Variants in SOX6 observed in about 807,000 individuals in gnomAD.
SOX6 encodes the protein transcription factor SOX-6.
In SOX6, 11 loss-of-function variants were observed where a neutral mutation model predicts 97.8. That is an observed-to-expected ratio of 0.11 (90% confidence interval 0.07 to 0.19). The LOEUF (loss-of-function observed/expected upper bound fraction) is 0.19. Ranked by LOEUF, SOX6 falls within the 10% of genes least tolerant of loss-of-function variation. SOX6 has a pLI of 1.00. For missense variants in SOX6, 810 were observed against 1,039.5 expected, an observed-to-expected ratio of 0.78 and a Z score of 3.04; for synonymous variants, 360 against 371.4, an observed-to-expected ratio of 0.97 and a Z score of 0.35.
chr11:16,533,388 T>C (rs539816957), intron 4 of SOX6, among the ~76,000 whole-genome samples: 35 of 151,252 alleles, frequency 2.3e-4, no homozygotes, highest in Non-Finnish European at 4.1e-4. Context: ...CAATAAAGAG[T>C]ATTAAGATCA....
At chr11:16,666,176 C>T (rs1564863688) in intron 3 of SOX6, among the ~76,000 whole-genome samples, 1 of 151,746 alleles carries the variant, frequency 6.6e-6, no homozygotes. Flanking sequence ...GCATCAACAC[C>T]GTCAGGAAAA....
chr11:16,111,760 A>T (rs1181784827), intron 7 of SOX6, 43 bp downstream of exon 7: 13 of 1,611,336 alleles, frequency 8.1e-6, no homozygotes, highest in Non-Finnish European at 1.1e-5. Context: ...AAACATGCAG[A>T]TCTGAGCATT....
chr11:16,385,471 A>G (rs1477145554), intron 1 of SOX6, among the ~76,000 whole-genome samples: 1 of 152,138 alleles, frequency 6.6e-6, no homozygotes, highest in East Asian at 1.9e-4. Context: ...GGAAATAAAC[A>G]AAAATGCTCT....
In SOX6 at chr11:16,658,221, T is replaced by C. The variant is rs1019720855; in HGVS notation, n.430-45961A>G. On this transcript the variant is annotated intron_variant and non_coding_transcript_variant, in intron 3 of 5. Coordinates refer to the SOX6 transcript ENST00000524520. ...GGGTATAAAGATCTAACTGTGGTTCTACCTGGTATTTCCGTGATTACCAGT... is the reference window on the plus strand; with the variant it reads ...GGGTATAAAGATCTAACTGTGGTTCCACCTGGTATTTCCGTGATTACCAGT... 2.2e-4 allele frequency among the ~76,000 whole-genome samples: 34 copies of C among 152,358 alleles called. 1 individual carries two copies. The highest frequency in any genetic ancestry group is 2.2e-3 in the Admixed American group (33 of 15,302).
At chr11:16,246,194 T>C (rs796938339) in intron 3 of SOX6, among the ~76,000 whole-genome samples, 9 of 151,656 alleles carry the variant, frequency 5.9e-5, no homozygotes, top group African/African-American at 1.9e-4. Flanking sequence ...CTTTATTTTG[T>C]ATTATTGCTG....
At position 16,499,361 on chromosome 11, in the gene SOX6, G is replaced by T. The variant is rs892187950; in HGVS notation, n.610-22973C>A. On this transcript the variant is annotated intron_variant and non_coding_transcript_variant, in intron 4 of 5. Transcript: ENST00000524520. ...AATGCCCACAAGAGAAAGCAGGAAA[G>T]ATCTAAAATTAACACCCTAACATCA... is the stretch of plus-strand genomic sequence containing the variant. Among the ~76,000 whole-genome samples, 4 of 152,092 alleles carry T rather than the reference G, an allele frequency of 2.6e-5. No individual in the cohort carries two copies. The South Asian group carries it at 8.3e-4, about 32-fold the overall frequency.
chr11:16,546,510 G>A (rs12287824), intron 4 of SOX6, among the ~76,000 whole-genome samples: 27 of 152,150 alleles, frequency 1.8e-4, no homozygotes, highest in African/African-American at 5.5e-4. Context: ...CATGCACTGG[G>A]GAAAGGACAC....
chr11:16,391,660 T>G (rs1403666912), intron 1 of SOX6, among the ~76,000 whole-genome samples: 1 of 151,662 alleles, frequency 6.6e-6, no homozygotes, highest in South Asian at 2.1e-4. Context: ...AATTAAACAT[T>G]CAGTAAGCAA....
At chr11:16,583,638 C>CATATATATATATATATATAT (rs1329710047) in intron 4 of SOX6, among the ~76,000 whole-genome samples, 31 of 104,550 alleles carry the variant, frequency 3.0e-4, no homozygotes, top group Non-Finnish European at 5.3e-4. Context: ...TATATATATA[C>CATATATATATATATATATAT]ACATACACAC....
chr11:16,442,457 A>G (rs1859521968), intron 1 of SOX6, among the ~76,000 whole-genome samples: 1 of 152,226 alleles, frequency 6.6e-6, no homozygotes, highest in African/African-American at 2.4e-5. Flanking sequence ...AGTTATGCCC[A>G]GCTAACATTT....
chr11:16,225,478 CA>C (rs11307642), intron 4 of SOX6, among the ~76,000 whole-genome samples: 46,510 of 127,700 alleles, frequency 0.36, 6,569 homozygotes, highest in South Asian at 0.52. Context: ...AATTGCTATT[CA>C]AAAAAAAAAA....
At chr11:16,566,599 C>G (rs914537015) in intron 4 of SOX6, among the ~76,000 whole-genome samples, 1 of 152,240 alleles carries the variant, frequency 6.6e-6, no homozygotes, top group Non-Finnish European at 1.5e-5. Context: ...AGATCCCCAG[C>G]TCTTTACCGT....
chr11:16,642,563 A>T (rs1463954615), intron 3 of SOX6, among the ~76,000 whole-genome samples: 1 of 152,176 alleles, frequency 6.6e-6, no homozygotes, highest in Non-Finnish European at 1.5e-5. Flanking sequence ...AATCAGACGT[A>T]GATTTGGTCT....
intron 4 of SOX6, among the ~76,000 whole-genome samples, chr11:16,524,337 T>C (rs1345444069): frequency 6.6e-6 from 1 of 151,472 alleles, no homozygotes; most frequent in Admixed American, 6.6e-5. Context: ...CGCAAATCAA[T>C]AAATGTAATC....
chr11:16,256,612 G>C (rs1853696503), intron 3 of SOX6, among the ~76,000 whole-genome samples: 1 of 151,910 alleles, frequency 6.6e-6, no homozygotes, highest in Non-Finnish European at 1.5e-5. Flanking sequence ...GTAATGGTGA[G>C]AAACTCAAAG....
chr11:16,480,653 C>A (rs1860327490), upstream of SOX6, among the ~76,000 whole-genome samples: 1 of 151,560 alleles, frequency 6.6e-6, no homozygotes, highest in African/African-American at 2.4e-5. Flanking sequence ...TAACCCCCCC[C>A]CCACCTTCTT....
At chr11:16,583,606 T>TTTATATAC (rs1554976083) in intron 4 of SOX6, among the ~76,000 whole-genome samples, 1 of 80,552 alleles carries the variant, frequency 1.2e-5, no homozygotes, top group African/African-American at 4.6e-5. Flanking sequence ...TATATGTGTA[T>TTTATATAC]ATATATACAT....
chr11:16,402,486 T>A (rs1318279026), intron 1 of SOX6, among the ~76,000 whole-genome samples: 2 of 151,698 alleles, frequency 1.3e-5, no homozygotes, highest in East Asian at 3.9e-4. Context: ...AAGGCTTAAA[T>A]CACATTTCCT....
intron 4 of SOX6, among the ~76,000 whole-genome samples, chr11:16,535,415 G>A (rs1311927981): frequency 6.6e-6 from 1 of 152,174 alleles, no homozygotes; most frequent in Admixed American, 6.5e-5. Flanking sequence ...ACAGTGGCCT[G>A]TAGTCCCAGC....
Sources: allele counts gnomAD v4.1 joint callset (sites outside exome capture counted in the v4.1 genomes callset), GRCh38; gene constraint gnomAD v4.1.1; transcripts MANE v1.5; gene names NCBI Gene and HGNC (gene_info 2026-07-23, HGNC 2026-07-21).